The following LNPEP variants were observed in gnomAD, a reference collection of about 807,000 sequenced individuals.
LNPEP encodes the protein leucyl and cystinyl aminopeptidase.
In LNPEP, 64 loss-of-function variants were observed where a neutral mutation model predicts 120.6. The observed-to-expected ratio is 0.53, with a 90% confidence interval of 0.43 to 0.65. The LOEUF is 0.65. Ranked by LOEUF, LNPEP falls within the 30% of genes least tolerant of loss-of-function variation. LNPEP has a pLI of 0.00. For synonymous variants in LNPEP, 435 were observed against 425.4 expected, an observed-to-expected ratio of 1.02 and a Z score of -0.28; for missense variants, 1,057 against 1,200.0, an observed-to-expected ratio of 0.88 and a Z score of 1.76.
chr5:96,969,815 G>A (rs1054821671), intron 1 of LNPEP, among the ~76,000 whole-genome samples: 4 of 150,814 alleles, frequency 2.7e-5, no homozygotes, highest in East Asian at 1.9e-4. Flanking sequence ...TGGAAATGTC[G>A]TTATTTTTAA....
Position 97,026,558 on chromosome 5 carries a change from T to C in LNPEP, c.2724-59T>C. ...AAACCATACTAATTTTAATTTAAGT[T>C]CAGTCATCACTTCTTCATGAATAAT... On this transcript the variant is annotated intron_variant, in intron 15 of 17. Coordinates refer to ENST00000231368, the MANE Select transcript of LNPEP (RefSeq NM_005575.3). 2.2e-6 allele frequency: 3 copies of C among 1,371,134 alleles called. No homozygotes were observed. In the South Asian group the frequency reaches 3.7e-5, roughly 17 times the overall value. The allele number at this position is 1,371,134 out of a possible 1,614,324, so 84.9% of individuals were successfully genotyped here.
At chr5:96,936,372 G>T (rs1275448269) in intron 1 of LNPEP, 198 bp downstream of exon 1, 2 of 420,046 alleles carry the variant, frequency 4.8e-6, no homozygotes. Context: ...TGCGGGACCC[G>T]GGGCTGGCTT....
chr5:96,970,419 T>A (rs893184024), intron 1 of LNPEP, among the ~76,000 whole-genome samples: 1 of 152,056 alleles, frequency 6.6e-6, no homozygotes, highest in Non-Finnish European at 1.5e-5. Context: ...TCTATTTGTG[T>A]CTAAATTTAA....
intron 1 of LNPEP, among the ~76,000 whole-genome samples, chr5:96,939,324 C>T (rs1192139684): frequency 6.6e-6 from 1 of 151,856 alleles, no homozygotes; most frequent in Non-Finnish European, 1.5e-5. Flanking sequence ...AGTGATCCTC[C>T]TGCCTCAGCC....
In LNPEP at chr5:96,996,667, A is replaced by T. The variant is rs531746426; in HGVS notation, c.1521+164A>T. On this transcript the variant is annotated intron_variant, in intron 7 of 17. Transcript: ENST00000231368. ...TATCTATACCTTTTGAGATTTGACAATGAAAGGGATGCTATTATTTACTGA... is the reference window on the plus strand; with the variant it reads ...TATCTATACCTTTTGAGATTTGACATTGAAAGGGATGCTATTATTTACTGA... Among the ~76,000 whole-genome samples the T allele has an allele frequency of 2.3e-3, 346 of 152,298 alleles. 5 individuals carry two copies. Among genetic ancestry groups the T allele is most frequent in the African/African-American group, 7.9e-3 (329 of 41,580 alleles).
In LNPEP at chr5:96,979,778, C is replaced by G; in HGVS notation, c.660C>G (p.Thr220=). ...CAGGTCATAATATTTCAAGAGTGACCTTTATGTCAGCAGTTTCAAGCCAAG... is the reference window on the plus strand; with the variant it reads ...CAGGTCATAATATTTCAAGAGTGACGTTTATGTCAGCAGTTTCAAGCCAAG... ...HSTGHNISRV[T]FMSAVSSQEK... The change falls in exon 2 of 18, where the codon ACC becomes ACG. Residue 220 remains threonine (T), a synonymous_variant. Transcript: ENST00000231368. 6.2e-7 allele frequency: 1 copy of G among 1,613,908 alleles called. No homozygotes were observed. The highest frequency in any genetic ancestry group is 8.5e-7 in the Non-Finnish European group (1 of 1,179,896).
intron 15 of LNPEP, among the ~76,000 whole-genome samples, chr5:97,026,060 A>C (rs183569316): frequency 6.6e-6 from 1 of 152,176 alleles, no homozygotes; most frequent in Admixed American, 6.5e-5. Context: ...GGTCAATTAG[A>C]TAACCTCAGT....
At chr5:96,975,520 A>G (rs1319797254) in intron 1 of LNPEP, among the ~76,000 whole-genome samples, 2 of 152,074 alleles carry the variant, frequency 1.3e-5, no homozygotes, top group African/African-American at 2.4e-5. Flanking sequence ...CATAGTTAAG[A>G]ACTTTATCTT....
rs781727347 is a variant in LNPEP at position 97,008,337 on chromosome 5, G to GTTTTTTTTTTTT, written c.2035+1842_2035+1853dup. ...TTGATTTTTTTGTTTGTTTTTTCTTGTTTTTTTTTTTTTTTTTTTTTTTTT... is the reference window on the plus strand; with the variant it reads ...TTGATTTTTTTGTTTGTTTTTTCTTGTTTTTTTTTTTTTTTTTTTTTTTTTTTTTTTTTTTTT... On this transcript the variant is annotated intron_variant, in intron 11 of 17. Coordinates refer to ENST00000231368, the MANE Select transcript of LNPEP (RefSeq NM_005575.3). Among the ~76,000 whole-genome samples, 28 of 59,842 alleles carry GTTTTTTTTTTTT rather than the reference G, an allele frequency of 4.7e-4. 2 individuals are homozygous for GTTTTTTTTTTTT. The highest frequency in any genetic ancestry group is 1.7e-3 in the South Asian group (2 of 1,210). 39.3% of individuals were successfully genotyped at this position (59,842 alleles called of 152,430 possible).
chr5:97,017,572 C>A (rs1287980859), intron 13 of LNPEP, among the ~76,000 whole-genome samples: 1 of 152,044 alleles, frequency 6.6e-6, no homozygotes, highest in Non-Finnish European at 1.5e-5. Flanking sequence ...GATCTGTGAT[C>A]CATCTGGAAT....
intron 5 of LNPEP, 91 bp from the exon 6 acceptor site, chr5:96,993,726 T>G: frequency 2.5e-6 from 3 of 1,188,222 alleles, no homozygotes; most frequent in Non-Finnish European, 3.6e-6. Context: ...AATTCATTGC[T>G]TTCACAGTGA....
At chr5:97,015,942 A>T (rs183020885) in intron 13 of LNPEP, among the ~76,000 whole-genome samples, 3 of 152,056 alleles carry the variant, frequency 2.0e-5, no homozygotes, top group Non-Finnish European at 2.9e-5. Flanking sequence ...CATGTGCACA[A>T]TGTGCAGGTT....
Position 97,015,035 on chromosome 5 carries a change from A to C in LNPEP, c.2316A>C (p.Thr772=). 2 of 1,603,016 alleles carry C rather than the reference A, an allele frequency of 1.2e-6. No homozygotes were observed. Among genetic ancestry groups the C allele is most frequent in the Non-Finnish European group, 1.7e-6 (2 of 1,174,814 alleles). Residue 772 remains threonine, a synonymous_variant, in exon 13 of 18, where the codon ACA becomes ACC. Transcript: ENST00000231368. ...CCATCACCGAAGCCCTGTTTCAGAC[A>C]GACCTCATCTATAACCTCCTTGAAA... ...TAPITEALFQ[T]DLIYNLLEKL...
intron 12 of LNPEP, 38 bp from the exon 13 acceptor site, chr5:97,014,901 C>G (rs778466318): frequency 1.4e-6 from 2 of 1,432,862 alleles, no homozygotes; most frequent in Non-Finnish European, 1.9e-6. Context: ...TTCTGTGTGT[C>G]TCTGCATATT....
At chr5:96,964,941 A>G (rs538669080) in intron 1 of LNPEP, among the ~76,000 whole-genome samples, 1 of 152,272 alleles carries the variant, frequency 6.6e-6, no homozygotes, top group African/African-American at 2.4e-5. Flanking sequence ...CTGGTGTTGC[A>G]GTTTTTTGTT....
In LNPEP at chr5:97,034,305, T is replaced by C. The variant is rs1438090728; in HGVS notation, c.*5772T>C. On this transcript the variant is annotated 3_prime_UTR_variant, in exon 18 of 18. Coordinates refer to ENST00000231368, the MANE Select transcript of LNPEP (RefSeq NM_005575.3). ...GGATACTTAGGTACGTAATGAAAATTGAGGTTCATTCTATGAAAAAATCTC... is the reference window on the plus strand; with the variant it reads ...GGATACTTAGGTACGTAATGAAAATCGAGGTTCATTCTATGAAAAAATCTC... The C allele has an allele frequency of 6.6e-6, 1 of 152,162 alleles. No individual in the cohort carries two copies. The highest frequency in any genetic ancestry group is 1.5e-5 in the Non-Finnish European group (1 of 68,016). 9.4% of individuals were successfully genotyped at this position (152,162 alleles called of 1,614,324 possible). A position where few individuals can be genotyped will look rare whatever the true frequency, so the allele number is the denominator to read the frequency against.
intron 3 of LNPEP, 46 bp from the exon 4 acceptor site, chr5:96,986,493 A>G (rs755226475): frequency 3.8e-6 from 6 of 1,568,350 alleles, no homozygotes; most frequent in Non-Finnish European, 5.2e-6. Context: ...TGTTATTGCC[A>G]TTTATTCCTA....
chr5:96,972,542 C>T (rs1367197630), intron 1 of LNPEP, among the ~76,000 whole-genome samples: 1 of 152,054 alleles, frequency 6.6e-6, no homozygotes, highest in Non-Finnish European at 1.5e-5. Context: ...TTCTGTGACT[C>T]CCCTCTGCAC....
chr5:97,014,981 T>G lies in LNPEP; in HGVS notation c.2262T>G (p.Asn754Lys). ...TCAAGAGGGCCTTTGATTTGATTAA[T>G]TATCTTGGAAATGAGAACCATACTG... ...VPLKRAFDLI[N>K]YLGNENHTAP... The change falls in exon 13 of 18, where the codon AAT becomes AAG. Residue 754 changes from asparagine (N) to lysine (K), a missense_variant. By Grantham distance (94) the Asn-to-Lys change is moderately conservative. Coordinates refer to ENST00000231368, the MANE Select transcript of LNPEP (RefSeq NM_005575.3). The G allele has an allele frequency of 6.3e-7, 1 of 1,589,634 alleles. No homozygotes were observed. Among genetic ancestry groups the G allele is most frequent in the Middle Eastern group, 1.7e-4 (1 of 6,024 alleles).
Sources: gnomAD v4.1 joint callset for allele counts (sites outside exome capture counted in the v4.1 genomes callset) on GRCh38, gnomAD v4.1.1 for gene constraint, MANE v1.5 for transcripts, NCBI Gene and HGNC (gene_info 2026-07-23, HGNC 2026-07-21) for gene names.